The following VPS13C variants were observed in gnomAD, a reference collection of about 807,000 sequenced individuals.
The protein encoded by VPS13C is intermembrane lipid transfer protein VPS13C.
Under a neutral mutation model 456.8 loss-of-function variants are expected in VPS13C, and 358 were observed. The observed-to-expected ratio is 0.78, with a 90% CI of 0.72 to 0.86. VPS13C has a LOEUF of 0.86. Ranked by LOEUF, VPS13C falls within the 40% of genes least tolerant of loss-of-function variation. VPS13C has a pLI of 0.00. For missense variants in VPS13C, 4,818 were observed against 4,385.4 expected (o/e 1.10, Z -2.79); for synonymous variants, 1,578 against 1,486.7 (o/e 1.06, Z -1.41).
intron 77 of VPS13C, 136 bp from the exon 78 acceptor site, chr15:61,873,545 T>C: frequency 1.2e-6 from 1 of 822,120 alleles, no homozygotes; most frequent in Non-Finnish European, 1.8e-6. Flanking sequence ...GACATACAAA[T>C]GGCCAACAAG....
At chr15:61,912,683 G>A (rs944821312) in intron 62 of VPS13C, among the ~76,000 whole-genome samples, 2 of 150,668 alleles carry the variant, frequency 1.3e-5, no homozygotes, top group African/African-American at 4.9e-5. Flanking sequence ...GGGTACATGT[G>A]CACAATGTGC....
intron 3 of VPS13C, among the ~76,000 whole-genome samples, chr15:62,037,964 A>G (rs1215061009): frequency 1.3e-5 from 2 of 152,192 alleles, no homozygotes; most frequent in African/African-American, 2.4e-5. Flanking sequence ...GGAAGTATCC[A>G]AATAATTGCT....
intron 19 of VPS13C, 44 bp downstream of exon 19, chr15:61,984,813 C>CTTCT: frequency 1.3e-6 from 2 of 1,583,478 alleles, no homozygotes; most frequent in Non-Finnish European, 1.7e-6. Context: ...TTGCCTAAAA[C>CTTCT]TATAACTAAA....
At position 61,915,018 on chromosome 15, in the gene VPS13C, A is replaced by G. The variant is rs146033829; in HGVS notation, c.8445+615T>C. ...TTAAATGGTTAGAAAATCTTCATAT[A>G]TATCAGGCTTGAGCAGAATGCCAAA... is the stretch of plus-strand genomic sequence containing the variant. On this transcript the variant is annotated intron_variant, in intron 61 of 84. Coordinates refer to ENST00000644861, the MANE Select transcript of VPS13C (RefSeq NM_020821.3). Among the ~76,000 whole-genome samples, 204 of 152,156 alleles carry G rather than the reference A, an allele frequency of 1.3e-3. 1 individual carries two copies. The highest frequency in any genetic ancestry group is 4.8e-3 in the African/African-American group (200 of 41,502).
chr15:61,882,560 T>C, intron 69 of VPS13C, 36 bp downstream of exon 69: 1 of 1,453,554 alleles, frequency 6.9e-7, no homozygotes, highest in Non-Finnish European at 9.1e-7. Context: ...ATTCCCAAAG[T>C]GATGATAAAT....
At chr15:62,047,955 A>G (rs2048475096) in intron 1 of VPS13C, among the ~76,000 whole-genome samples, 2 of 152,262 alleles carry the variant, frequency 1.3e-5, no homozygotes, top group South Asian at 4.1e-4. Flanking sequence ...AATTCTATAC[A>G]ATGTAAATAA....
intron 16 of VPS13C, among the ~76,000 whole-genome samples, chr15:61,998,688 C>T (rs2140449507): frequency 6.6e-6 from 1 of 152,268 alleles, no homozygotes; most frequent in East Asian, 1.9e-4. Flanking sequence ...AGCCATAATG[C>T]AAGCATAACA....
In VPS13C at chr15:62,013,415, C is replaced by T. The variant is rs540507687; in HGVS notation, c.745-296G>A. Among the ~76,000 whole-genome samples the T allele has an allele frequency of 3.3e-5, 5 of 150,922 alleles. No homozygotes were observed. The East Asian group carries it at 9.7e-4, about 29-fold the overall frequency. On this transcript the variant is annotated intron_variant, in intron 10 of 84. Transcript: ENST00000644861. ...TTTAACAGACCCTGTAAATATTTTG[C>T]TGAAAAAAAAAAGACATGATCCCTC...
intron 15 of VPS13C, 29 bp downstream of exon 15, chr15:62,007,279 T>G (rs2046884283): frequency 6.9e-7 from 1 of 1,440,388 alleles, no homozygotes; most frequent in East Asian, 2.5e-5. Flanking sequence ...AGACAAATAA[T>G]AGCTCTCACT....
rs767550116 is a variant in VPS13C, at chr15:61,913,266, C to G, written c.8550+45G>C. ...TTCCAACTTGTTTGTTGAACTGTAG[C>G]AAAGGTGAACGGAATCAAAGGTAAA... On this transcript the variant is annotated intron_variant, in intron 62 of 84. Coordinates refer to ENST00000644861, the MANE Select transcript of VPS13C (RefSeq NM_020821.3). The G allele has an allele frequency of 9.0e-6, 14 of 1,550,228 alleles. No individual in the cohort carries two copies. In the African/African-American group the frequency reaches 1.8e-4, roughly 20 times the overall value.
At chr15:61,865,973 T>A (rs746081677) in intron 81 of VPS13C, 1 of 984,074 alleles carries the variant, frequency 1.0e-6, no homozygotes, top group African/African-American at 1.7e-5. Flanking sequence ...AATTTGGCCA[T>A]ATTACAAAGG....
At chr15:61,997,534 G>A (rs536570529) in intron 16 of VPS13C, among the ~76,000 whole-genome samples, 13 of 152,166 alleles carry the variant, frequency 8.5e-5, no homozygotes, top group South Asian at 4.2e-4. Flanking sequence ...AAACTTAATA[G>A]GTCCCAAACT....
In VPS13C at chr15:61,874,951, C is replaced by T; in HGVS notation, c.10339G>A (p.Gly3447Ser). 1 of 1,541,578 alleles carries T rather than the reference C, an allele frequency of 6.5e-7. No individual in the cohort carries two copies. Among genetic ancestry groups the T allele is most frequent in the Admixed American group, 2.2e-5 (1 of 44,582 alleles). Residue 3447 changes from glycine to serine, a missense_variant and splice_region_variant, in exon 77 of 85, where the codon GGT becomes AGT. Physicochemically the swap from Gly to Ser is moderately conservative, Grantham distance 56. This residue lies in a region of VPS13C where 4,552 missense variants were observed against 4,130.6 expected (regional missense o/e 1.10). Transcript: ENST00000644861. ...VEALFYEPFQ[G>S]AVQGPEEFAE... ...AATTCTTCAGGGCCTTGAACAGCAC[C>T]CTGGCAAAAAAAAATAAAAAATAAT...
chr15:62,007,225 T>G, intron 15 of VPS13C, 83 bp downstream of exon 15: 1 of 1,071,900 alleles, frequency 9.3e-7, no homozygotes, highest in Non-Finnish European at 1.2e-6. Flanking sequence ...CCTAAAATTA[T>G]TTTTTGATTC....
In VPS13C at chr15:62,012,178, T is replaced by C. The variant is rs1179728397; in HGVS notation, c.826-14A>G. 2.7e-6 allele frequency: 4 copies of C among 1,502,182 alleles called. No individual in the cohort carries two copies. The highest frequency in any genetic ancestry group is 3.5e-4 in the Middle Eastern group (2 of 5,786). 93.1% of individuals were successfully genotyped at this position (1,502,182 alleles called of 1,614,324 possible). On this transcript the variant is annotated splice_polypyrimidine_tract_variant and intron_variant, in intron 11 of 84. Transcript: ENST00000644861. ...TTTCAGCTGATCCTAAACAAAAAAT[T>C]TGAATGAGAATGAAAAAGAAAATGC...
chr15:61,956,716 A>G (rs932196189), intron 37 of VPS13C, among the ~76,000 whole-genome samples: 2 of 152,128 alleles, frequency 1.3e-5, no homozygotes, highest in African/African-American at 4.8e-5. Flanking sequence ...CTTCACCAGT[A>G]ATCAAAAAGC....
At position 62,007,417 on chromosome 15, in the gene VPS13C, GACC is replaced by G. The variant is rs763765257; in HGVS notation, c.1178_1180del (p.Trp393del). The G allele has an allele frequency of 2.5e-6, 4 of 1,612,764 alleles. No individual in the cohort carries two copies. Among genetic ancestry groups the G allele is most frequent in the South Asian group, 2.2e-5 (2 of 90,764 alleles). ...CCTGTGCTTTTTTATGTTACTCCAT[GACC>G]ACATCTGTGTATACCTTCTTATATG... On this transcript the variant is annotated inframe_deletion, in exon 15 of 85. Coordinates refer to ENST00000644861, the MANE Select transcript of VPS13C (RefSeq NM_020821.3).
At position 61,890,194 on chromosome 15, in the gene VPS13C, C is replaced by A. The variant is rs368358877; in HGVS notation, c.9312G>T (p.Lys3104Asn). 5 of 1,613,948 alleles carry A rather than the reference C, an allele frequency of 3.1e-6. No individual in the cohort carries two copies. Among genetic ancestry groups the A allele is most frequent in the Admixed American group, 3.3e-5 (2 of 59,982 alleles). ...TTATCCCAATATAGGAAACTTCCTGCTTGCTTTCATTGTTAACCAGTGAAA... is the reference window on the plus strand; with the variant it reads ...TTATCCCAATATAGGAAACTTCCTGATTGCTTTCATTGTTAACCAGTGAAA... ...LGLSLVNNES[K>N]QEVSYIGITS... The change falls in exon 67 of 85, where the codon AAG (lysine) becomes AAT (asparagine). Residue 3104 changes from lysine (K) to asparagine (N), a missense_variant. Lys to Asn is a moderately conservative substitution (Grantham distance 94). Transcript: ENST00000644861.
chr15:62,031,191 A>G (rs1487321469), intron 5 of VPS13C, among the ~76,000 whole-genome samples: 2 of 152,116 alleles, frequency 1.3e-5, no homozygotes, highest in Non-Finnish European at 2.9e-5. Context: ...ATTTTACCAC[A>G]TAAAACAAGC....
Sources: gnomAD v4.1 joint callset for allele counts (sites outside exome capture counted in the v4.1 genomes callset) on GRCh38, gnomAD v4.1.1 for gene constraint, gnomAD v4.1.1 regional missense constraint, MANE v1.5 for transcripts, NCBI Gene and HGNC (gene_info 2026-07-23, HGNC 2026-07-21) for gene names.